The following PTPRA variants were observed in gnomAD, a reference collection of about 807,000 sequenced individuals.
The protein encoded by PTPRA is protein tyrosine phosphatase receptor type A.
PTPRA carries 25 observed loss-of-function variants against 104.8 expected under a neutral mutation model. The observed-to-expected ratio is 0.24, with a 90% confidence interval of 0.17 to 0.33. The LOEUF is 0.33. Among genes scored for constraint, PTPRA ranks in the 10% least tolerant of loss-of-function variants. The pLI, the probability that PTPRA is intolerant of heterozygous loss-of-function variation, is 1.00. For missense variants in PTPRA, 765 were observed against 1,015.3 expected, an observed-to-expected ratio of 0.75 and a Z score of 3.35; for synonymous variants, 323 against 368.9, an observed-to-expected ratio of 0.88 and a Z score of 1.43.
rs559338885 is a variant in PTPRA, at chr20:3,035,482, G to C, written c.1921-103G>C. On this transcript the variant is annotated intron_variant, in intron 20 of 23. Coordinates refer to ENST00000399903, the MANE Select transcript of PTPRA (RefSeq NM_001385305.1). This position sits in a 1 kb window ranked among gnomAD's most constrained non-coding sequence, Gnocchi z 5.8. ...TACCTTGGGGACGAAGCGTATCAGCGTAAGAGGTGGCTGTACTGAGAGGGG... is the reference window on the plus strand; with the variant it reads ...TACCTTGGGGACGAAGCGTATCAGCCTAAGAGGTGGCTGTACTGAGAGGGG... 1 of 1,348,378 alleles carries C rather than the reference G, an allele frequency of 7.4e-7. No individual in the cohort carries two copies. Among genetic ancestry groups the C allele is most frequent in the Non-Finnish European group, 1.0e-6 (1 of 972,128 alleles). The allele number at this position is 1,348,378 out of a possible 1,614,324, so 83.5% of individuals were successfully genotyped here.
chr20:2,890,753 CTCTT>C (rs1568640989), intron 1 of PTPRA, among the ~76,000 whole-genome samples: 1 of 152,086 alleles, frequency 6.6e-6, no homozygotes, highest in Non-Finnish European at 1.5e-5. Flanking sequence ...CCTTGTTTTC[CTCTT>C]TCTATCTTTG....
chr20:2,963,932 C>G (rs1025343850), intron 3 of PTPRA, among the ~76,000 whole-genome samples: 6 of 152,048 alleles, frequency 3.9e-5, no homozygotes, highest in African/African-American at 1.2e-4. Context: ...CCCAGCTACT[C>G]AGGAGGCTGA....
chr20:2,945,582 GGTGTGTGTGTGTGTGTGT>G (rs3842441), intron 2 of PTPRA, among the ~76,000 whole-genome samples: 1 of 148,152 alleles, frequency 6.7e-6, no homozygotes, highest in African/African-American at 2.5e-5. Flanking sequence ...ATAATTGGCA[GGTGTGTGTGTGTGTGTGT>G]GTGTGTGTGT....
At position 3,020,151 on chromosome 20, in the gene PTPRA, C is replaced by A. The variant is rs1235550546; in HGVS notation, c.1042-1158C>A. Among the ~76,000 whole-genome samples the A allele has an allele frequency of 2.0e-5, 3 of 152,330 alleles. No individual in the cohort carries two copies. In the East Asian group the frequency reaches 5.8e-4, roughly 29 times the overall value. On this transcript the variant is annotated intron_variant, in intron 13 of 23. Transcript: ENST00000399903. ...TGAGACGGAGTCTCGCTCTGTCGCC[C>A]AGGCTGAAGGGCAGTGGTGCCATCT...
At chr20:2,988,596 GT>G in intron 9 of PTPRA, 122 bp downstream of exon 9, 2 of 1,351,430 alleles carry the variant, frequency 1.5e-6, no homozygotes, top group African/African-American at 1.5e-5. Context: ...GGTGAGAAAT[GT>G]TTTACCAAGT....
At chr20:3,008,963 A>G (rs2064018229) in intron 11 of PTPRA, among the ~76,000 whole-genome samples, 2 of 152,130 alleles carry the variant, frequency 1.3e-5, no homozygotes, top group Non-Finnish European at 2.9e-5. Flanking sequence ...GTTGTATTTT[A>G]CCACAAGAAA....
chr20:2,865,201 G>T, the PTPRA span: 1 of 1,614,186 alleles, frequency 6.2e-7, no homozygotes, highest in Non-Finnish European at 8.5e-7. The surrounding 1 kb of genome is among the most constrained non-coding windows in gnomAD (Gnocchi z 5.2). Context: ...TAGAAGACGA[G>T]CTGGGGGGCC....
chr20:3,014,019 T>C lies in PTPRA; in HGVS notation c.907-1830T>C, dbSNP rs186967929. ...CCTTCCAACCAGGTGTTCAGGCTGT[T>C]CAGGGCCCGCATGCTGCAATGAGAA... On this transcript the variant is annotated intron_variant, in intron 11 of 23. Transcript: ENST00000399903. Among the ~76,000 whole-genome samples the C allele has an allele frequency of 5.6e-3, 856 of 152,288 alleles. 9 individuals carry two copies. The highest frequency in any genetic ancestry group is 0.019 in the African/African-American group (792 of 41,554).
rs137885281 is a variant in PTPRA at position 3,016,395 on chromosome 20, C to G, written c.943+510C>G. 3.2e-4 allele frequency among the ~76,000 whole-genome samples: 48 copies of G among 152,356 alleles called. 1 individual carries two copies. The highest frequency in any genetic ancestry group is 9.6e-4 in the African/African-American group (40 of 41,578). On this transcript the variant is annotated intron_variant, in intron 12 of 23. Coordinates refer to ENST00000399903, the MANE Select transcript of PTPRA (RefSeq NM_001385305.1). Reference sequence around the variant, plus strand: ...TACACACATTTCCAGGCCTGCTGTTCTAACAACTGTCTTCACTCTTTGAAC... The same window carrying G: ...TACACACATTTCCAGGCCTGCTGTTGTAACAACTGTCTTCACTCTTTGAAC...
chr20:2,948,866 G>A (rs1309738930), intron 3 of PTPRA, among the ~76,000 whole-genome samples: 5 of 152,018 alleles, frequency 3.3e-5, no homozygotes, highest in African/African-American at 1.2e-4. Context: ...GCAGGAGAAT[G>A]GCGTGAACCC....
Position 3,022,291 on chromosome 20 carries a change from C to T in PTPRA, c.1328+71C>T. The stretch of plus-strand genomic sequence containing the variant: ...CCATGGCCAGAGCAGGGGAACAGCA[C>T]AAGGGCCCTGGCTGAGGAGGCTGGC... On this transcript the variant is annotated intron_variant, in intron 15 of 23. Coordinates refer to ENST00000399903, the MANE Select transcript of PTPRA (RefSeq NM_001385305.1). The surrounding 1 kb of genome is among the most constrained non-coding windows in gnomAD (Gnocchi z 4.6). The T allele has an allele frequency of 6.4e-7, 1 of 1,554,836 alleles. No individual in the cohort carries two copies. Among genetic ancestry groups the T allele is most frequent in the Non-Finnish European group, 8.8e-7 (1 of 1,139,130 alleles).
intron 2 of PTPRA, among the ~76,000 whole-genome samples, chr20:2,947,657 T>A (rs954255487): frequency 2.6e-5 from 4 of 152,152 alleles, no homozygotes; most frequent in South Asian, 4.1e-4. Flanking sequence ...GACTCTTTCG[T>A]AGAGTGCACA....
intron 1 of PTPRA, among the ~76,000 whole-genome samples, chr20:2,916,097 T>TA (rs1298632327): frequency 6.6e-6 from 1 of 152,206 alleles, no homozygotes; most frequent in Non-Finnish European, 1.5e-5. Flanking sequence ...TGGAGTGCAG[T>TA]AGAGCAGTCT....
chr20:2,960,386 A>G (rs1366402356), intron 3 of PTPRA, among the ~76,000 whole-genome samples: 1 of 151,006 alleles, frequency 6.6e-6, no homozygotes, highest in African/African-American at 2.4e-5. Context: ...AGTAGCTGGG[A>G]CTACAGGTGC....
At chr20:3,036,161 A>G (rs1448288878) in intron 22 of PTPRA, among the ~76,000 whole-genome samples, 1 of 152,196 alleles carries the variant, frequency 6.6e-6, no homozygotes, top group African/African-American at 2.4e-5. Flanking sequence ...ATGTTCAGAT[A>G]GTGGGCAGGA....
In PTPRA at chr20:3,022,549, T is replaced by C. The variant is rs2064930050; in HGVS notation, c.1329-140T>C. ...TTCAGGACATACTGGAGTTGTTGGC[T>C]CCTGGAGAGCCCCAGCTCTACCCCA... On this transcript the variant is annotated intron_variant, in intron 15 of 23. Transcript: ENST00000399903. The surrounding 1 kb of genome is among the most constrained non-coding windows in gnomAD (Gnocchi z 4.6). 6 of 1,231,354 alleles carry C rather than the reference T, an allele frequency of 4.9e-6. No individual in the cohort carries two copies. The highest frequency in any genetic ancestry group is 6.7e-6 in the Non-Finnish European group (6 of 890,890). The allele number at this position is 1,231,354 out of a possible 1,614,324, so 76.3% of individuals were successfully genotyped here.
intron 5 of PTPRA, 97 bp downstream of exon 5, chr20:2,965,299 A>G (rs2061904559): frequency 1.2e-5 from 15 of 1,254,778 alleles, no homozygotes; most frequent in Non-Finnish European, 1.6e-5. Flanking sequence ...TTCTTCAAAT[A>G]AGTAAAATTG....
In PTPRA at chr20:2,975,150, C is replaced by CT. The variant is rs995914198; in HGVS notation, c.416-64dup. The CT allele has an allele frequency of 3.6e-6, 5 of 1,389,122 alleles. No homozygotes were observed. In the Admixed American group the frequency reaches 7.8e-5, roughly 22 times the overall value. 86.0% of individuals were successfully genotyped at this position (1,389,122 alleles called of 1,614,324 possible). On this transcript the variant is annotated intron_variant, in intron 5 of 23. Coordinates refer to ENST00000399903, the MANE Select transcript of PTPRA (RefSeq NM_001385305.1). Reference sequence around the variant, plus strand: ...ATCCTGGAGCTTGTTTTGTTGTACTCTAATTGAATTGTAATGTGTTTCTTT... The same window carrying CT: ...ATCCTGGAGCTTGTTTTGTTGTACTCTTAATTGAATTGTAATGTGTTTCTTT...
At chr20:2,926,233 C>G (rs902912744) in intron 2 of PTPRA, among the ~76,000 whole-genome samples, 1 of 152,172 alleles carries the variant, frequency 6.6e-6, no homozygotes, top group Non-Finnish European at 1.5e-5. Flanking sequence ...CCTCAGACTT[C>G]TGTAACAAAA....
Sources: gnomAD v4.1 joint callset for allele counts (sites outside exome capture counted in the v4.1 genomes callset) on GRCh38, gnomAD v4.1.1 for gene constraint, Gnocchi (gnomAD v3.1) non-coding constraint, MANE v1.5 for transcripts, NCBI Gene and HGNC (gene_info 2026-07-23, HGNC 2026-07-21) for gene names.